Variants in RAB27B observed in about 807,000 individuals in gnomAD.
RAB27B encodes the protein ras-related protein Rab-27B.
In RAB27B, 15 loss-of-function variants were observed where a neutral mutation model predicts 24.6. The ratio of observed to expected loss-of-function variants is 0.61; its 90% confidence interval spans 0.41 to 0.94. The LOEUF (loss-of-function observed/expected upper bound fraction) is 0.94, where lower values mean the gene tolerates loss of function less well. RAB27B is among the 40% of genes least tolerant of loss of function. The pLI is 0.00. For synonymous variants in RAB27B, 105 were observed against 92.5 expected (o/e 1.14, Z -0.78); for missense variants, 261 against 266.8 (o/e 0.98, Z 0.15).
At chr18:54,778,218 G>C (rs114535517) in intron 2 of RAB27B, among the ~76,000 whole-genome samples, 2,922 of 152,182 alleles carry the variant, frequency 0.019, 97 homozygotes, top group African/African-American at 0.066. Context: ...TGGGCATTTT[G>C]CCCTTAAAGC....
chr18:54,860,743 A>C (rs1285526174), intron 1 of RAB27B, among the ~76,000 whole-genome samples: 1 of 152,238 alleles, frequency 6.6e-6, no homozygotes, highest in Non-Finnish European at 1.5e-5. Flanking sequence ...TCACAGAAGG[A>C]AAGTTCCAAG....
At chr18:54,850,356 A>ATATATATATATATATATATATATATG (rs1304515980) in intron 1 of RAB27B, among the ~76,000 whole-genome samples, 13 of 139,240 alleles carry the variant, frequency 9.3e-5, no homozygotes, top group African/African-American at 3.6e-4. Flanking sequence ...ATATATATAT[A>ATATATATATATATATATATATATATG]TATACATACA....
chr18:54,856,881 G>A (rs982024226), intron 1 of RAB27B, among the ~76,000 whole-genome samples: 1 of 151,328 alleles, frequency 6.6e-6, no homozygotes, highest in Non-Finnish European at 1.5e-5. Flanking sequence ...TATGCTACAA[G>A]CATATTGTGA....
chr18:54,847,439 C>A (rs1264496066), intron 1 of RAB27B, among the ~76,000 whole-genome samples: 1 of 152,130 alleles, frequency 6.6e-6, no homozygotes, highest in Admixed American at 6.5e-5. Flanking sequence ...CAACATAGGG[C>A]AGTCCAGAAA....
intron 1 of RAB27B, among the ~76,000 whole-genome samples, chr18:54,842,772 T>G (rs1911167637): frequency 6.6e-6 from 1 of 152,152 alleles, no homozygotes; most frequent in Non-Finnish European, 1.5e-5. Context: ...ACAAAAGTAT[T>G]TGTTGCAAGT....
chr18:54,737,880 C>A (rs1318562270), intron 2 of RAB27B, among the ~76,000 whole-genome samples: 1 of 152,004 alleles, frequency 6.6e-6, no homozygotes, highest in Non-Finnish European at 1.5e-5. Flanking sequence ...TATCGAACAC[C>A]AACTAGGTTC....
chr18:54,725,324 C>T (rs1273801983), intron 2 of RAB27B, among the ~76,000 whole-genome samples: 1 of 151,294 alleles, frequency 6.6e-6, no homozygotes, highest in East Asian at 1.9e-4. Context: ...AGTGATTAAC[C>T]TTTGAGTGAG....
chr18:54,821,335 T>C (rs1008384090), intron 2 of RAB27B, among the ~76,000 whole-genome samples: 1 of 152,158 alleles, frequency 6.6e-6, no homozygotes, highest in Non-Finnish European at 1.5e-5. Context: ...ACAAGGGACC[T>C]GAAGGACCTC....
chr18:54,788,683 G>A (rs965900639), intron 2 of RAB27B, among the ~76,000 whole-genome samples: 6 of 152,134 alleles, frequency 3.9e-5, no homozygotes, highest in African/African-American at 1.4e-4. Context: ...CTCTCCCTCA[G>A]CTTTAAAGTA....
At chr18:54,767,499 A>T (rs1393508274) in intron 2 of RAB27B, among the ~76,000 whole-genome samples, 1 of 152,204 alleles carries the variant, frequency 6.6e-6, no homozygotes, top group Non-Finnish European at 1.5e-5. Context: ...TCTTTTTAAA[A>T]ACAAGATACA....
chr18:54,773,080 C>T (rs1233720267), intron 2 of RAB27B, among the ~76,000 whole-genome samples: 1 of 152,082 alleles, frequency 6.6e-6, no homozygotes, highest in East Asian at 1.9e-4. Context: ...TTCACCAATC[C>T]TTTTTTGGTT....
intron 2 of RAB27B, among the ~76,000 whole-genome samples, chr18:54,809,063 TTG>T (rs1909882792): frequency 6.6e-6 from 1 of 152,216 alleles, no homozygotes; most frequent in Non-Finnish European, 1.5e-5. Flanking sequence ...CCCATTGAAT[TTG>T]TGTCACTGAA....
intron 1 of RAB27B, among the ~76,000 whole-genome samples, chr18:54,856,327 A>G (rs1382088309): frequency 1.3e-5 from 2 of 152,256 alleles, no homozygotes; most frequent in East Asian, 3.8e-4. Context: ...TTCAAGGAAT[A>G]TAACAAAGAG....
At chr18:54,755,623 A>T (rs1270803577) in intron 2 of RAB27B, among the ~76,000 whole-genome samples, 1 of 152,194 alleles carries the variant, frequency 6.6e-6, no homozygotes, top group African/African-American at 2.4e-5. Context: ...GAGAGGTCAG[A>T]TAAAATAGGC....
chr18:54,816,325 T>C (rs1368515501), intron 2 of RAB27B, among the ~76,000 whole-genome samples: 1 of 152,202 alleles, frequency 6.6e-6, no homozygotes. Context: ...CATGGGGTCA[T>C]AGAGTCATGG....
intron 1 of RAB27B, among the ~76,000 whole-genome samples, chr18:54,876,093 T>C (rs1598985735): frequency 6.6e-6 from 1 of 151,810 alleles, no homozygotes. Flanking sequence ...TGGTGGAAGG[T>C]GAAGGGAAAG....
chr18:54,843,999 ACT>A (rs1911219659), intron 1 of RAB27B, among the ~76,000 whole-genome samples: 1 of 152,156 alleles, frequency 6.6e-6, no homozygotes, highest in Non-Finnish European at 1.5e-5. Flanking sequence ...CCATCCCATA[ACT>A]CTGAGATGGC....
At chr18:54,851,057 C>T (rs969230937) in intron 1 of RAB27B, among the ~76,000 whole-genome samples, 6 of 152,040 alleles carry the variant, frequency 3.9e-5, no homozygotes, top group Non-Finnish European at 7.4e-5. Flanking sequence ...TGCAATGCAA[C>T]AGGAGGTTGC....
chr18:54,856,739 T>A (rs886662546), intron 1 of RAB27B, among the ~76,000 whole-genome samples: 10 of 152,218 alleles, frequency 6.6e-5, no homozygotes, highest in Non-Finnish European at 1.5e-4. Context: ...CCTTTTAGGA[T>A]GTTTCATGTA....
Sources: allele counts gnomAD v4.1 joint callset (sites outside exome capture counted in the v4.1 genomes callset), GRCh38; gene constraint gnomAD v4.1.1; transcripts MANE v1.5; gene names NCBI Gene and HGNC (gene_info 2026-07-23, HGNC 2026-07-21).